Variants in ASB18 observed in about 807,000 individuals in gnomAD.
ASB18 encodes the protein ankyrin repeat and SOCS box protein 18.
Under a neutral mutation model 33.4 loss-of-function variants are expected in ASB18, and 33 were observed. The observed-to-expected ratio is 0.99, with a 90% confidence interval of 0.75 to 1.32. ASB18 has a LOEUF of 1.32. Among genes scored for constraint, ASB18 ranks in the 40% most tolerant of loss-of-function variants. ASB18 has a pLI of 0.00. For synonymous variants in ASB18, 295 were observed against 307.6 expected (o/e 0.96, Z 0.43); for missense variants, 694 against 655.5 (o/e 1.06, Z -0.64).
intron 1 of ASB18, chr2:236,247,337 T>C (rs1457085495): frequency 6.6e-6 from 1 of 151,972 alleles, no homozygotes; most frequent in Non-Finnish European, 1.5e-5. Context: ...AATAAGCATT[T>C]ATGTAATCTT....
rs761481849 is a variant in ASB18, at chr2:236,194,748, C to T, written c.*124G>A. 66 of 828,714 alleles carry T rather than the reference C, an allele frequency of 8.0e-5. No homozygotes were observed. Among genetic ancestry groups the T allele is most frequent in the Non-Finnish European group, 1.1e-4 (61 of 540,254 alleles). 51.3% of individuals were successfully genotyped at this position (828,714 alleles called of 1,614,324 possible). A position where few individuals can be genotyped will look rare whatever the true frequency, so the allele number is the denominator to read the frequency against. ...GGCAAGGTCTGTGCTTCACCCGGTC[C>T]CACGGAGAGCAAGTGGGAAGGGAAC... On this transcript the variant is annotated 3_prime_UTR_variant, in exon 6 of 6. Transcript: ENST00000409749. The surrounding 1 kb of genome is among the most constrained non-coding windows in gnomAD (Gnocchi z 4.5).
In ASB18 at chr2:236,214,641, G is replaced by A. The variant is rs1333617237; in HGVS notation, c.822C>T (p.Arg274=). Reference sequence around the variant, plus strand: ...CGCGCCGCAGCAGCAGCGCGCACAGGCGCAGGCAGCGCCCGTGCTCGTCGG... The same window carrying A: ...CGCGCCGCAGCAGCAGCGCGCACAGACGCAGGCAGCGCCCGTGCTCGTCGG... ...RRPDEHGRCL[R]LCALLLRRGA... is the part of the protein sequence containing the mutation. The change falls in exon 4 of 6, where the codon CGC becomes CGT. Residue 274 remains arginine, a synonymous_variant. Coordinates refer to ENST00000409749, the MANE Select transcript of ASB18 (RefSeq NM_212556.4). The surrounding 1 kb of genome is among the most constrained non-coding windows in gnomAD (Gnocchi z 6.5). 8.6e-7 allele frequency: 1 copy of A among 1,167,294 alleles called. No homozygotes were observed. Among genetic ancestry groups the A allele is most frequent in the East Asian group, 4.2e-5 (1 of 23,862 alleles). 72.3% of individuals were successfully genotyped at this position (1,167,294 alleles called of 1,614,324 possible).
Position 236,263,189 on chromosome 2 carries a change from C to T in ASB18, c.205+952G>A, listed in dbSNP as rs1439433743. On this transcript the variant is annotated intron_variant, in intron 1 of 5. Coordinates refer to ENST00000409749, the MANE Select transcript of ASB18 (RefSeq NM_212556.4). This position sits in a 1 kb window ranked among gnomAD's most constrained non-coding sequence, Gnocchi z 4.0. The stretch of plus-strand genomic sequence containing the variant: ...AAGTAAATCACAGGTCAGGAAAACA[C>T]TTTCAGGAAACCTAACAAAGGGATG... Among the ~76,000 whole-genome samples the T allele has an allele frequency of 6.6e-6, 1 of 152,198 alleles. No individual in the cohort carries two copies. Among genetic ancestry groups the T allele is most frequent in the Non-Finnish European group, 1.5e-5 (1 of 68,036 alleles).
In ASB18 at chr2:236,241,450, G is replaced by A. The variant is rs781456308; in HGVS notation, c.206-48C>T. ...CTCCTGCACCGGGGACCCTGCTCTA[G>A]CTTGAGGATCCTTCTCTGTCTTTTG... On this transcript the variant is annotated intron_variant, in intron 1 of 5. Coordinates refer to ENST00000409749, the MANE Select transcript of ASB18 (RefSeq NM_212556.4). This position sits in a 1 kb window ranked among gnomAD's most constrained non-coding sequence, Gnocchi z 4.2. The A allele has an allele frequency of 1.9e-6, 3 of 1,611,288 alleles. No homozygotes were observed. The Admixed American group carries it at 5.0e-5, about 27-fold the overall frequency.
chr2:236,260,592 T>G lies in ASB18; in HGVS notation c.205+3549A>C, dbSNP rs988140316. Among the ~76,000 whole-genome samples, 4 of 152,178 alleles carry G rather than the reference T, an allele frequency of 2.6e-5. No homozygotes were observed. Among genetic ancestry groups the G allele is most frequent in the African/African-American group, 9.7e-5 (4 of 41,436 alleles). On this transcript the variant is annotated intron_variant, in intron 1 of 5. Coordinates refer to ENST00000409749, the MANE Select transcript of ASB18 (RefSeq NM_212556.4). This position sits in a 1 kb window ranked among gnomAD's most constrained non-coding sequence, Gnocchi z 5.1. Reference sequence around the variant, plus strand: ...CAGGAAAAAGGAACCTATGCCCATTTTAGGCTGCGACAGTGAGTCTTTGGG... The same window carrying G: ...CAGGAAAAAGGAACCTATGCCCATTGTAGGCTGCGACAGTGAGTCTTTGGG...
rs576171143 is a variant in ASB18, at chr2:236,200,989, T to C, written c.1102-4604A>G. Among the ~76,000 whole-genome samples, 45 of 152,332 alleles carry C rather than the reference T, an allele frequency of 3.0e-4. No individual in the cohort carries two copies. The highest frequency in any genetic ancestry group is 9.4e-4 in the African/African-American group (39 of 41,582). ...CTTTCATGCTCCTTGGATTGACTGC[T>C]CAGTTAATTTCATAACATTTTTTTC... is the stretch of plus-strand genomic sequence containing the variant. On this transcript the variant is annotated intron_variant, in intron 4 of 5. Coordinates refer to ENST00000409749, the MANE Select transcript of ASB18 (RefSeq NM_212556.4). This position sits in a 1 kb window ranked among gnomAD's most constrained non-coding sequence, Gnocchi z 4.2.
chr2:236,214,346 C>T lies in ASB18; in HGVS notation c.1101+16G>A, dbSNP rs1273834229. On this transcript the variant is annotated intron_variant, in intron 4 of 5. Coordinates refer to ENST00000409749, the MANE Select transcript of ASB18 (RefSeq NM_212556.4). This position sits in a 1 kb window ranked among gnomAD's most constrained non-coding sequence, Gnocchi z 6.5. ...AACTCCAGGGCACGTGCCAGCCGGG[C>T]TGGATCCTGCCTTACCTTGGGGAAG... is the stretch of plus-strand genomic sequence containing the variant. The T allele has an allele frequency of 1.9e-6, 3 of 1,563,520 alleles. No individual in the cohort carries two copies. Among genetic ancestry groups the T allele is most frequent in the African/African-American group, 1.4e-5 (1 of 73,522 alleles).
At position 236,215,552 on chromosome 2, in the gene ASB18, G is replaced by T. The variant is rs564472476; in HGVS notation, c.597-686C>A. Among the ~76,000 whole-genome samples, 3 of 152,110 alleles carry T rather than the reference G, an allele frequency of 2.0e-5. No individual in the cohort carries two copies. The highest frequency in any genetic ancestry group is 7.2e-5 in the African/African-American group (3 of 41,398). On this transcript the variant is annotated intron_variant, in intron 3 of 5. Coordinates refer to ENST00000409749, the MANE Select transcript of ASB18 (RefSeq NM_212556.4). This position sits in a 1 kb window ranked among gnomAD's most constrained non-coding sequence, Gnocchi z 7.2. ...TTCTAGACCCCCATGGGAGCCTGCG[G>T]TCTTCCCCAGAGACGAGTGTCTTCC... is the stretch of plus-strand genomic sequence containing the variant.
At chr2:236,199,337 G>A (rs62189441) in intron 4 of ASB18, among the ~76,000 whole-genome samples, 13,844 of 151,354 alleles carry the variant, frequency 0.091, 856 homozygotes, top group Middle Eastern at 0.19. Context: ...GCTTGAACCC[G>A]GGAGGCGGAG....
In ASB18 at chr2:236,225,808, TTA is replaced by T. The variant is rs35701231; in HGVS notation, c.597-10944_597-10943del. 2.0e-5 allele frequency among the ~76,000 whole-genome samples: 3 copies of T among 148,048 alleles called. No homozygotes were observed. The highest frequency in any genetic ancestry group is 2.5e-5 in the African/African-American group (1 of 39,988). On this transcript the variant is annotated intron_variant, in intron 3 of 5. Coordinates refer to ENST00000409749, the MANE Select transcript of ASB18 (RefSeq NM_212556.4). This position sits in a 1 kb window ranked among gnomAD's most constrained non-coding sequence, Gnocchi z 5.1. ...AGGAAGCACAGGTAATTTTTTTTTT[TTA>T]ATCCCAGGAACTCAGAGACTCAAAG... is the stretch of plus-strand genomic sequence containing the variant.
chr2:236,222,375 G>A lies in ASB18; in HGVS notation c.597-7509C>T, dbSNP rs765860222. On this transcript the variant is annotated intron_variant, in intron 3 of 5. Transcript: ENST00000409749. This position sits in a 1 kb window ranked among gnomAD's most constrained non-coding sequence, Gnocchi z 5.5. The stretch of plus-strand genomic sequence containing the variant: ...CATTTCTATCATCACGGTTTCCCTT[G>A]GAGCAATGGCTGCCAGCCATCTTAT... Among the ~76,000 whole-genome samples, 6 of 152,212 alleles carry A rather than the reference G, an allele frequency of 3.9e-5. No homozygotes were observed. The highest frequency in any genetic ancestry group is 7.3e-5 in the Non-Finnish European group (5 of 68,042).
chr2:236,214,355 G>A lies in ASB18; in HGVS notation c.1101+7C>T, dbSNP rs1454985081. ...GCACGTGCCAGCCGGGCTGGATCCT[G>A]CCTTACCTTGGGGAAGGCGTCGGGC... On this transcript the variant is annotated splice_region_variant and intron_variant, in intron 4 of 5. Coordinates refer to ENST00000409749, the MANE Select transcript of ASB18 (RefSeq NM_212556.4). This position sits in a 1 kb window ranked among gnomAD's most constrained non-coding sequence, Gnocchi z 6.5. 1 of 1,569,988 alleles carries A rather than the reference G, an allele frequency of 6.4e-7. No individual in the cohort carries two copies. The highest frequency in any genetic ancestry group is 2.3e-5 in the East Asian group (1 of 42,614).
chr2:236,234,034 G>T lies in ASB18; in HGVS notation c.596+3655C>A, dbSNP rs2060578354. Among the ~76,000 whole-genome samples, 2 of 152,214 alleles carry T rather than the reference G, an allele frequency of 1.3e-5. No homozygotes were observed. Among genetic ancestry groups the T allele is most frequent in the Non-Finnish European group, 1.5e-5 (1 of 68,038 alleles). On this transcript the variant is annotated intron_variant, in intron 3 of 5. Transcript: ENST00000409749. The surrounding 1 kb of genome is among the most constrained non-coding windows in gnomAD (Gnocchi z 4.1). The stretch of plus-strand genomic sequence containing the variant: ...ACAATATTCAAGACAGTATGGTATT[G>T]GTGTTAAAACAGGCAAATAGAGCAA...
In ASB18 at chr2:236,234,048, C is replaced by G. The variant is rs537174081; in HGVS notation, c.596+3641G>C. 6.3e-4 allele frequency among the ~76,000 whole-genome samples: 96 copies of G among 152,256 alleles called. No individual in the cohort carries two copies. The highest frequency in any genetic ancestry group is 2.1e-3 in the African/African-American group (87 of 41,546). On this transcript the variant is annotated intron_variant, in intron 3 of 5. Coordinates refer to ENST00000409749, the MANE Select transcript of ASB18 (RefSeq NM_212556.4). This position sits in a 1 kb window ranked among gnomAD's most constrained non-coding sequence, Gnocchi z 4.1. ...AGTATGGTATTGGTGTTAAAACAGG[C>G]AAATAGAGCAATGAAACAGAATAGA... is the stretch of plus-strand genomic sequence containing the variant.
rs562968146 is a variant in ASB18 at position 236,209,050 on chromosome 2, C to T, written c.1101+5312G>A. Among the ~76,000 whole-genome samples, 12 of 152,218 alleles carry T rather than the reference C, an allele frequency of 7.9e-5. No individual in the cohort carries two copies. The East Asian group carries it at 1.5e-3, about 20-fold the overall frequency. On this transcript the variant is annotated intron_variant, in intron 4 of 5. Transcript: ENST00000409749. This position sits in a 1 kb window ranked among gnomAD's most constrained non-coding sequence, Gnocchi z 4.4. ...CTCCTCCCACTGGGGACTGGGTGCA[C>T]GCAACTCTGTGAAGATGGGAGGGGG... is the stretch of plus-strand genomic sequence containing the variant.
rs1018003414 is a variant in ASB18 at position 236,238,785 on chromosome 2, G to A, written c.329-829C>T. On this transcript the variant is annotated intron_variant, in intron 2 of 5. Coordinates refer to ENST00000409749, the MANE Select transcript of ASB18 (RefSeq NM_212556.4). This position sits in a 1 kb window ranked among gnomAD's most constrained non-coding sequence, Gnocchi z 5.2. ...GTAGTCCCTGGTGAATACACATCAA[G>A]GGGCAGGATTTCACATGGCAGGAAG... is the stretch of plus-strand genomic sequence containing the variant. 2.0e-5 allele frequency among the ~76,000 whole-genome samples: 3 copies of A among 152,186 alleles called. No homozygotes were observed. The highest frequency in any genetic ancestry group is 4.4e-5 in the Non-Finnish European group (3 of 68,024).
Position 236,217,424 on chromosome 2 carries a change from A to ATAAAT in ASB18, c.597-2559_597-2558insATTTA, listed in dbSNP as rs111975448. Among the ~76,000 whole-genome samples, 199 of 150,394 alleles carry ATAAAT rather than the reference A, an allele frequency of 1.3e-3. 1 individual carries two copies. Among genetic ancestry groups the ATAAAT allele is most frequent in the African/African-American group, 4.0e-3 (163 of 40,512 alleles). ...CGAGACTCTGTCTCAAAAAAAAAAA[A>ATAAAT]AAATAAATCTTGGCACCTTCAACTC... On this transcript the variant is annotated intron_variant, in intron 3 of 5. Coordinates refer to ENST00000409749, the MANE Select transcript of ASB18 (RefSeq NM_212556.4). This position sits in a 1 kb window ranked among gnomAD's most constrained non-coding sequence, Gnocchi z 5.2.
chr2:236,224,908 A>C (rs775125387), intron 3 of ASB18, among the ~76,000 whole-genome samples: 1 of 152,080 alleles, frequency 6.6e-6, no homozygotes, highest in Admixed American at 6.5e-5. Flanking sequence ...ATCAAACAAG[A>C]CCATGTTCTT....
rs184082529 is a variant in ASB18, at chr2:236,239,117, C to G, written c.329-1161G>C. On this transcript the variant is annotated intron_variant, in intron 2 of 5. Transcript: ENST00000409749. The surrounding 1 kb of genome is among the most constrained non-coding windows in gnomAD (Gnocchi z 5.6). Reference sequence around the variant, plus strand: ...CTGCCCTTCCCAGTGAAGACCAGGTCGGATCTGGAGGGGGTGATGGATGTA... The same window carrying G: ...CTGCCCTTCCCAGTGAAGACCAGGTGGGATCTGGAGGGGGTGATGGATGTA... Among the ~76,000 whole-genome samples, 1 of 152,150 alleles carries G rather than the reference C, an allele frequency of 6.6e-6. No individual in the cohort carries two copies. The highest frequency in any genetic ancestry group is 1.5e-5 in the Non-Finnish European group (1 of 68,036).
Sources: gnomAD v4.1 joint callset for allele counts (sites outside exome capture counted in the v4.1 genomes callset) on GRCh38, gnomAD v4.1.1 for gene constraint, Gnocchi (gnomAD v3.1) non-coding constraint, MANE v1.5 for transcripts, NCBI Gene and HGNC (gene_info 2026-07-23, HGNC 2026-07-21) for gene names.